Variants in BCLAF1 observed in about 807,000 individuals in gnomAD.
BCLAF1 encodes the protein BCL2 associated transcription factor 1, also known as bcl-2-associated transcription factor 1.
BCLAF1 carries 10 observed loss-of-function variants against 99.5 expected under a neutral mutation model. The observed-to-expected ratio is 0.10, with a 90% CI of 0.06 to 0.17. BCLAF1 has a LOEUF of 0.17. Ranked by LOEUF, BCLAF1 falls within the 10% of genes least tolerant of loss-of-function variation. The pLI, the probability that BCLAF1 is intolerant of heterozygous loss-of-function variation, is 1.00. For missense variants in BCLAF1, 636 were observed against 1,105.8 expected (o/e 0.58, Z 6.02); for synonymous variants, 255 against 370.9 (o/e 0.69, Z 3.59).
At chr6:136,267,704 T>C (rs1186807263) in intron 10 of BCLAF1, among the ~76,000 whole-genome samples, 8 of 151,956 alleles carry the variant, frequency 5.3e-5, no homozygotes, top group Admixed American at 4.6e-4. Flanking sequence ...ATGGGGATAA[T>C]GTATATGCTA....
At chr6:136,273,506 C>G (rs578174620) in intron 6 of BCLAF1, 51 of 204,468 alleles carry the variant, frequency 2.5e-4, no homozygotes, top group African/African-American at 1.1e-3. Context: ...TATGGATGCT[C>G]TAATACCTTG....
Position 136,260,732 on chromosome 6 carries a change from T to C in BCLAF1, c.*378A>G. On this transcript the variant is annotated 3_prime_UTR_variant, in exon 13 of 13. Transcript: ENST00000531224. ...AACAATTTCTGTTCCAGGATTTATA[T>C]GTAGAGCTAACGTTTACTTCAGAAT... is the stretch of plus-strand genomic sequence containing the variant. 3 of 288,386 alleles carry C rather than the reference T, an allele frequency of 1.0e-5. No homozygotes were observed. The highest frequency in any genetic ancestry group is 5.9e-5 in the East Asian group (1 of 17,024). 17.9% of individuals were successfully genotyped at this position (288,386 alleles called of 1,614,324 possible).
intron 6 of BCLAF1, 36 bp downstream of exon 6, chr6:136,275,496 A>C (rs1783158996): frequency 6.9e-7 from 1 of 1,449,788 alleles, no homozygotes; most frequent in South Asian, 1.6e-5. Context: ...CATGCAAGAG[A>C]AATTTAATTC....
chr6:136,273,904 T>C, intron 6 of BCLAF1: 1 of 994,676 alleles, frequency 1.0e-6, no homozygotes, highest in Admixed American at 4.0e-5. Flanking sequence ...CTATGAAATG[T>C]CACATTATGA....
rs1780592692 is a variant in BCLAF1, at chr6:136,258,411, CAAAAACAA to C, written c.*2691_*2698del. ...ACAAAAACAAAAACAAAAACAAAAA[CAAAAACAA>C]AAACAAGACAAAACAAAAAAACAGT... On this transcript the variant is annotated 3_prime_UTR_variant, in exon 13 of 13. Transcript: ENST00000531224. The C allele has an allele frequency of 1.3e-5, 2 of 150,842 alleles. No individual in the cohort carries two copies. Among genetic ancestry groups the C allele is most frequent in the Admixed American group, 6.6e-5 (1 of 15,142 alleles). 9.3% of individuals were successfully genotyped at this position (150,842 alleles called of 1,614,324 possible).
intron 1 of BCLAF1, among the ~76,000 whole-genome samples, chr6:136,284,130 G>GTGTGTGTGTATATATATATA (rs36141174): frequency 8.2e-6 from 1 of 122,102 alleles, no homozygotes; most frequent in African/African-American, 4.1e-5. Context: ...GTGTGTGTGT[G>GTGTGTGTGTATATATATATA]TATATATATA....
intron 6 of BCLAF1, 77 bp from the exon 7 acceptor site, chr6:136,273,264 T>C: frequency 8.1e-7 from 1 of 1,227,764 alleles, no homozygotes; most frequent in Non-Finnish European, 1.2e-6. Flanking sequence ...GAAGGGCATG[T>C]AGCAGGTGAA....
chr6:136,269,307 T>C (rs1450798457), intron 9 of BCLAF1, 130 bp downstream of exon 9: 2 of 1,535,108 alleles, frequency 1.3e-6, no homozygotes, highest in Non-Finnish European at 1.7e-6. Flanking sequence ...ATTTTTGCTG[T>C]AAAACAAATA....
rs779266153 is a variant in BCLAF1, at chr6:136,261,394, A to G, written c.2628T>C (p.Phe876=). ...GACTGCTACCTGATTTTTTGAAGTT[A>G]AAGCGCCCTCTGCCACGTTGAAAAG... ...RGTFQRGRGR[F]NFKKSGSSPK... is the part of the protein sequence containing the mutation. Residue 876 remains phenylalanine, a synonymous_variant, in exon 12 of 13, where the codon TTT becomes TTC. Coordinates refer to ENST00000531224, the MANE Select transcript of BCLAF1 (RefSeq NM_014739.3). The G allele has an allele frequency of 1.2e-6, 2 of 1,613,846 alleles. No individual in the cohort carries two copies. The highest frequency in any genetic ancestry group is 1.7e-6 in the Non-Finnish European group (2 of 1,179,862).
chr6:136,289,437 C>T (rs1785648864), intron 1 of BCLAF1, among the ~76,000 whole-genome samples: 1 of 152,102 alleles, frequency 6.6e-6, no homozygotes, highest in South Asian at 2.1e-4. Context: ...TGCGCACGCG[C>T]ACGGGAGGCC....
At position 136,273,070 on chromosome 6, in the gene BCLAF1, CA is replaced by C; in HGVS notation, c.1958+11del. ...ACAACGTTTTTATATGCCAGTTCAG[CA>C]GGATACATACCTGTGTATTTCAGGG... On this transcript the variant is annotated intron_variant, in intron 7 of 12. Transcript: ENST00000531224. 6.3e-7 allele frequency: 1 copy of C among 1,589,482 alleles called. No individual in the cohort carries two copies. The highest frequency in any genetic ancestry group is 1.1e-5 in the South Asian group (1 of 88,228).
intron 11 of BCLAF1, among the ~76,000 whole-genome samples, chr6:136,264,981 T>C (rs1781521737): frequency 6.6e-6 from 1 of 152,202 alleles, no homozygotes; most frequent in South Asian, 2.1e-4. Context: ...AAAATGAGTA[T>C]GTACTTGTTA....
In BCLAF1 at chr6:136,276,519, G is replaced by A. The variant is rs1168151195; in HGVS notation, c.1017-11C>T. On this transcript the variant is annotated splice_polypyrimidine_tract_variant and intron_variant, in intron 4 of 12. Coordinates refer to ENST00000531224, the MANE Select transcript of BCLAF1 (RefSeq NM_014739.3). ...TCTTCATCTGTGAACCTGCGAATAA[G>A]CAAAGAAGAGGATAGTAACTCTGGA... The A allele has an allele frequency of 3.8e-6, 6 of 1,579,908 alleles. No homozygotes were observed. The highest frequency in any genetic ancestry group is 1.4e-5 in the African/African-American group (1 of 73,448).
chr6:136,271,304 C>A (rs1440377081), intron 8 of BCLAF1, among the ~76,000 whole-genome samples: 1 of 151,804 alleles, frequency 6.6e-6, no homozygotes, highest in African/African-American at 2.4e-5. Flanking sequence ...TCTGCCTTTC[C>A]CCACATTTCT....
Position 136,258,948 on chromosome 6 carries a change from C to T in BCLAF1, c.*2162G>A, listed in dbSNP as rs1206377053. 2.0e-5 allele frequency: 3 copies of T among 152,538 alleles called. No homozygotes were observed. The highest frequency in any genetic ancestry group is 3.4e-3 in the Middle Eastern group (1 of 294). 9.4% of individuals were successfully genotyped at this position (152,538 alleles called of 1,614,324 possible). On this transcript the variant is annotated 3_prime_UTR_variant, in exon 13 of 13. Coordinates refer to ENST00000531224, the MANE Select transcript of BCLAF1 (RefSeq NM_014739.3). ...CTCTAGGCAAAACAAAGTATGTTAA[C>T]GCAGGTATCAGTGAGTTATTTCCTA...
At chr6:136,279,966 T>G (rs942109987) in intron 2 of BCLAF1, 90 bp from the exon 3 acceptor site, 2 of 1,267,986 alleles carry the variant, frequency 1.6e-6, no homozygotes, top group South Asian at 5.1e-5. Flanking sequence ...AAAATTTGAT[T>G]TTTACAAGTT....
At position 136,258,559 on chromosome 6, in the gene BCLAF1, T is replaced by C. The variant is rs552781383; in HGVS notation, c.*2551A>G. On this transcript the variant is annotated 3_prime_UTR_variant, in exon 13 of 13. Coordinates refer to ENST00000531224, the MANE Select transcript of BCLAF1 (RefSeq NM_014739.3). ...GGCCACAGAAATAAGATGTGTGAAA[T>C]AGACACAGGTAAACAAACAACAGCA... is the stretch of plus-strand genomic sequence containing the variant. 4 of 152,474 alleles carry C rather than the reference T, an allele frequency of 2.6e-5. No homozygotes were observed. Among genetic ancestry groups the C allele is most frequent in the Admixed American group, 6.5e-5 (1 of 15,268 alleles). 9.4% of individuals were successfully genotyped at this position (152,474 alleles called of 1,614,324 possible).
intron 6 of BCLAF1, chr6:136,274,149 T>A: frequency 7.8e-7 from 1 of 1,288,938 alleles, no homozygotes. Flanking sequence ...CTATTTTACT[T>A]TGAAACATGG....
chr6:136,276,119 T>C lies in BCLAF1; in HGVS notation c.1406A>G (p.Glu469Gly). 6.2e-7 allele frequency: 1 copy of C among 1,612,890 alleles called. No individual in the cohort carries two copies. Among genetic ancestry groups the C allele is most frequent in the Non-Finnish European group, 8.5e-7 (1 of 1,179,800 alleles). Reference protein sequence around the residue: ...YKLKETGYVVERPSTTKDKHK... With the variant: ...YKLKETGYVVGRPSTTKDKHK... ...CTTATCTTTTGTAGTGCTAGGCCTT[T>C]CCACTACATATCCAGTCTCTTTAAG... Residue 469 changes from glutamate (E) to glycine (G), a missense_variant, in exon 5 of 13, where the codon GAA (glutamate) becomes GGA (glycine). Transcript: ENST00000531224.
Sources: allele counts gnomAD v4.1 joint callset (sites outside exome capture counted in the v4.1 genomes callset), GRCh38; gene constraint gnomAD v4.1.1; transcripts MANE v1.5; gene names NCBI Gene and HGNC (gene_info 2026-07-23, HGNC 2026-07-21).